The following ACOT11 variants were observed in gnomAD, a reference collection of about 807,000 sequenced individuals.
ACOT11 encodes acyl-CoA thioesterase 11.
In ACOT11, 69 loss-of-function variants were observed where a neutral mutation model predicts 77.5. The observed-to-expected ratio is 0.89, with a 90% CI of 0.73 to 1.09. The LOEUF (loss-of-function observed/expected upper bound fraction) is 1.09, where lower values mean the gene tolerates loss of function less well. Among genes scored for constraint, ACOT11 ranks in the 50% least tolerant of loss-of-function variants. ACOT11 has a pLI of 0.00. For synonymous variants in ACOT11, 279 were observed against 313.0 expected (o/e 0.89, Z 1.15); for missense variants, 766 against 813.7 (o/e 0.94, Z 0.71).
intron 2 of ACOT11, 21 bp from the exon 3 acceptor site, chr1:54,585,814 G>A: frequency 6.2e-7 from 1 of 1,613,620 alleles, no homozygotes; most frequent in Non-Finnish European, 8.5e-7. Context: ...CTAATGTCTG[G>A]CTTTCTTCTG....
intron 1 of ACOT11, among the ~76,000 whole-genome samples, chr1:54,566,631 GGCT>G (rs1467165256): frequency 2.0e-5 from 3 of 152,134 alleles, no homozygotes; most frequent in Non-Finnish European, 2.9e-5. Context: ...GGCAGGGCTG[GGCT>G]GGGTGGTTTG....
chr1:54,563,050 G>A (rs560927), intron 1 of ACOT11, among the ~76,000 whole-genome samples: 10,374 of 151,002 alleles, frequency 0.069, 382 homozygotes, highest in East Asian at 0.14. Context: ...GGAGGCCAAG[G>A]CAGGCGGCTG....
At chr1:54,600,436 A>C (rs1643947825) in intron 8 of ACOT11, among the ~76,000 whole-genome samples, 1 of 152,228 alleles carries the variant, frequency 6.6e-6, no homozygotes, top group African/African-American at 2.4e-5. Context: ...TAATCCCAGC[A>C]CTTTGGGAGG....
rs184518620 is a variant in ACOT11 at position 54,590,096 on chromosome 1, A to G, written c.312-2450A>G. Among the ~76,000 whole-genome samples, 427 of 152,036 alleles carry G rather than the reference A, an allele frequency of 2.8e-3. 2 individuals are homozygous for G. Among genetic ancestry groups the G allele is most frequent in the African/African-American group, 9.7e-3 (404 of 41,464 alleles). On this transcript the variant is annotated intron_variant, in intron 3 of 15. Coordinates refer to ENST00000343744, the MANE Select transcript of ACOT11 (RefSeq NM_147161.4). The stretch of plus-strand genomic sequence containing the variant: ...GAGCGAGACTCTGTCTCAAAAAAAA[A>G]AAAACAAAAAAACCCAAAAACTCTG...
chr1:54,621,181 GC>G (rs1644226849), intron 15 of ACOT11, among the ~76,000 whole-genome samples: 1 of 150,448 alleles, frequency 6.6e-6, no homozygotes, highest in Non-Finnish European at 1.5e-5. Flanking sequence ...AAAAACCTGC[GC>G]GCGGCGGCTG....
rs546409711 is a variant in ACOT11, at chr1:54,629,582, G to A, written c.1630-1152G>A. On this transcript the variant is annotated intron_variant, in intron 15 of 16. Transcript: ENST00000371316. ...ATTACAGGCGCGAGCCCCCGTGCCCGGCCTGTTTTTTGATTTTTTTGAGAC... is the reference window on the plus strand; with the variant it reads ...ATTACAGGCGCGAGCCCCCGTGCCCAGCCTGTTTTTTGATTTTTTTGAGAC... Among the ~76,000 whole-genome samples the A allele has an allele frequency of 3.0e-5, 4 of 132,154 alleles. 1 individual carries two copies. Among genetic ancestry groups the A allele is most frequent in the Admixed American group, 7.8e-5 (1 of 12,844 alleles). 86.7% of individuals were successfully genotyped at this position (132,154 alleles called of 152,430 possible).
chr1:54,557,596 A>T (rs1653307312), intron 1 of ACOT11, among the ~76,000 whole-genome samples: 1 of 151,940 alleles, frequency 6.6e-6, no homozygotes, highest in Non-Finnish European at 1.5e-5. Context: ...TCCTTGGTTA[A>T]ATTTATTCTC....
At chr1:54,614,624 C>G, downstream of ACOT11, 4 of 1,471,420 alleles carry the variant, frequency 2.7e-6, no homozygotes, top group Non-Finnish European at 3.7e-6. Context: ...TCAGAGGTCC[C>G]CTAAGATCCC....
chr1:54,616,168 G>A (rs142814457), intron 15 of ACOT11: 3 of 1,613,206 alleles, frequency 1.9e-6, no homozygotes, highest in South Asian at 1.1e-5. Flanking sequence ...GGACTGTGAT[G>A]TTGCCTGTGG....
chr1:54,605,011 C>T, intron 12 of ACOT11, 65 bp from the exon 13 acceptor site: 2 of 1,524,646 alleles, frequency 1.3e-6, no homozygotes, highest in Non-Finnish European at 1.8e-6. Context: ...CCAGTCTCAG[C>T]CTCCAGCATC....
rs1643937057 is a variant in ACOT11 at position 54,599,394 on chromosome 1, T to C, written c.863T>C (p.Val288Ala). 1 of 1,605,746 alleles carries C rather than the reference T, an allele frequency of 6.2e-7. No homozygotes were observed. Among genetic ancestry groups the C allele is most frequent in the Non-Finnish European group, 8.5e-7 (1 of 1,175,762 alleles). ...GACCGTCTGGTGCTCAAAGCCATCG[T>C]GAACAATGCCTTCAAACATAGGTGA... ...VGDRLVLKAI[V>A]NNAFKHSMEV... Residue 288 changes from valine to alanine, a missense_variant, in exon 8 of 16, where the codon GTG (valine) becomes GCG (alanine). Val to Ala is a moderately conservative substitution (Grantham distance 64, BLOSUM62 0). Transcript: ENST00000343744.
chr1:54,589,124 CT>C (rs1201788888), intron 3 of ACOT11, among the ~76,000 whole-genome samples: 1 of 152,134 alleles, frequency 6.6e-6, no homozygotes, highest in Admixed American at 6.6e-5. Context: ...TCAAGCAATT[CT>C]CCTGTCTAAA....
chr1:54,565,756 T>G (rs1354424979), intron 1 of ACOT11, among the ~76,000 whole-genome samples: 4 of 152,174 alleles, frequency 2.6e-5, no homozygotes, highest in Non-Finnish European at 5.9e-5. Context: ...CTTGTCTCAG[T>G]AGGATCCCTC....
chr1:54,625,871 G>A (rs1187842800), intron 15 of ACOT11, among the ~76,000 whole-genome samples: 3 of 150,848 alleles, frequency 2.0e-5, no homozygotes, highest in East Asian at 3.9e-4. Flanking sequence ...TCTGGGAGGC[G>A]GAGGTTGCGG....
chr1:54,585,059 A>C (rs1488384735), intron 2 of ACOT11, among the ~76,000 whole-genome samples, 197 bp downstream of exon 2: 1 of 151,710 alleles, frequency 6.6e-6, no homozygotes, highest in Non-Finnish European at 1.5e-5. Flanking sequence ...TCTCACTCAG[A>C]CCCCTTCAGC....
downstream of ACOT11, chr1:54,614,708 A>G: frequency 2.5e-6 from 4 of 1,613,132 alleles, no homozygotes; most frequent in Non-Finnish European, 3.4e-6. Flanking sequence ...ACTGTGTGGC[A>G]TTGACCTCAG....
intron 1 of ACOT11, among the ~76,000 whole-genome samples, chr1:54,554,178 A>AAAAACAAAAG (rs1230948061): frequency 1.3e-5 from 2 of 148,318 alleles, no homozygotes; most frequent in East Asian, 3.9e-4. Flanking sequence ...ACACAAAAAC[A>AAAAACAAAAG]AAAACAAAAG....
intron 1 of ACOT11, among the ~76,000 whole-genome samples, chr1:54,554,212 A>G (rs1230936643): frequency 6.6e-6 from 1 of 150,614 alleles, no homozygotes; most frequent in Non-Finnish European, 1.5e-5. Flanking sequence ...AAACTCCACC[A>G]TAACATACTC....
At position 54,601,292 on chromosome 1, in the gene ACOT11, A is replaced by G; in HGVS notation, c.908A>G (p.Glu303Gly). 6.2e-7 allele frequency: 1 copy of G among 1,612,466 alleles called. No homozygotes were observed. Among genetic ancestry groups the G allele is most frequent in the Non-Finnish European group, 8.5e-7 (1 of 1,179,974 alleles). The change falls in exon 9 of 16, where the codon GAG becomes GGG. Residue 303 changes from glutamate to glycine, a missense_variant. Physicochemically the swap from Glu to Gly is moderately conservative, Grantham distance 98. Coordinates refer to ENST00000343744, the MANE Select transcript of ACOT11 (RefSeq NM_147161.4). ...KHSMEVGVCV[E>G]AYRQEAETHR... ...AGCATGGAGGTGGGCGTGTGCGTGGAGGCCTATCGCCAGGAGGCTGAGACC... is the reference window on the plus strand; with the variant it reads ...AGCATGGAGGTGGGCGTGTGCGTGGGGGCCTATCGCCAGGAGGCTGAGACC...
Sources: allele counts gnomAD v4.1 joint callset (sites outside exome capture counted in the v4.1 genomes callset), GRCh38; gene constraint gnomAD v4.1.1; transcripts MANE v1.5; gene names NCBI Gene and HGNC (gene_info 2026-07-23, HGNC 2026-07-21).